SMOC2: variants seen among roughly 807,000 people sequenced by gnomAD.
SMOC2 encodes SPARC-related modular calcium-binding protein 2.
A neutral mutation model predicts 61.4 loss-of-function variants in SMOC2; 39 were observed. That is an observed-to-expected ratio of 0.64 (90% CI 0.49 to 0.83). The LOEUF is 0.83. Among genes scored for constraint, SMOC2 ranks in the 40% least tolerant of loss-of-function variants. SMOC2 has a pLI of 0.00. For synonymous variants in SMOC2, 247 were observed against 239.9 expected (o/e 1.03, Z -0.27); for missense variants, 556 against 592.9 (o/e 0.94, Z 0.65).
intron 4 of SMOC2, 112 bp from the exon 5 acceptor site, chr6:168,543,513 G>A (rs992154605): frequency 1.4e-5 from 13 of 924,956 alleles, no homozygotes; most frequent in Non-Finnish European, 1.7e-5. Flanking sequence ...AGAACATGCC[G>A]AAGCACGGCA....
rs562462797 is a variant in SMOC2, at chr6:168,611,872, C to T, written c.907+3633C>T. Among the ~76,000 whole-genome samples, 8 of 152,250 alleles carry T rather than the reference C, an allele frequency of 5.3e-5. No individual in the cohort carries two copies. In the South Asian group the frequency reaches 8.3e-4, roughly 16 times the overall value. ...GGACGGCTTCCTCAGGATGCCCAGG[C>T]GGCCGGCCACTCACATGCACCTGTC... On this transcript the variant is annotated intron_variant, in intron 9 of 12. Coordinates refer to ENST00000356284, the MANE Select transcript of SMOC2 (RefSeq NM_001166412.2).
intron 1 of SMOC2, among the ~76,000 whole-genome samples, chr6:168,451,193 A>C (rs1414942383): frequency 4.6e-5 from 7 of 151,948 alleles, no homozygotes; most frequent in Admixed American, 3.9e-4. Flanking sequence ...CCCTGCCTGC[A>C]GCCGGGGTCT....
intron 4 of SMOC2, among the ~76,000 whole-genome samples, chr6:168,536,552 C>G (rs1426776300): frequency 6.6e-6 from 1 of 152,074 alleles, no homozygotes; most frequent in African/African-American, 2.4e-5. Context: ...CCTACCACTT[C>G]CAGTCATGTT....
intron 8 of SMOC2, among the ~76,000 whole-genome samples, chr6:168,603,226 T>C (rs1785600696): frequency 6.8e-6 from 1 of 147,376 alleles, no homozygotes; most frequent in African/African-American, 2.5e-5. Context: ...CATGCCAAAC[T>C]GTGAGTCAAT....
At chr6:168,511,254 C>A (rs187327260) in intron 2 of SMOC2, among the ~76,000 whole-genome samples, 1 of 152,110 alleles carries the variant, frequency 6.6e-6, no homozygotes, top group Admixed American at 6.5e-5. Flanking sequence ...TACCCAAGAC[C>A]GGTACATTTA....
At chr6:168,563,736 T>TG (rs1784477987) in intron 7 of SMOC2, among the ~76,000 whole-genome samples, 1 of 152,216 alleles carries the variant, frequency 6.6e-6, no homozygotes, top group Non-Finnish European at 1.5e-5. Flanking sequence ...CAGCAGACAC[T>TG]GAATCTGCCA....
At chr6:168,583,749 C>T (rs1784979229) in intron 7 of SMOC2, among the ~76,000 whole-genome samples, 1 of 152,188 alleles carries the variant, frequency 6.6e-6, no homozygotes, top group South Asian at 2.1e-4. Context: ...GGGAAGAGCA[C>T]CCAGCCTCTA....
intron 6 of SMOC2, among the ~76,000 whole-genome samples, chr6:168,547,481 A>T (rs1476744386): frequency 6.6e-6 from 1 of 152,076 alleles, no homozygotes; most frequent in Non-Finnish European, 1.5e-5. Flanking sequence ...TGGGATGGAC[A>T]AGTCCACACA....
At chr6:168,568,661 C>T (rs1056738823) in intron 7 of SMOC2, among the ~76,000 whole-genome samples, 1 of 152,090 alleles carries the variant, frequency 6.6e-6, no homozygotes, top group African/African-American at 2.4e-5. Context: ...GCCCTGAAAA[C>T]CCTCTGAGCT....
chr6:168,596,982 C>A (rs530197820), intron 7 of SMOC2, among the ~76,000 whole-genome samples: 2 of 152,332 alleles, frequency 1.3e-5, no homozygotes, highest in Admixed American at 6.5e-5. Context: ...TTGAATGATC[C>A]ATGAGTTCTG....
chr6:168,558,881 G>A (rs28514664), intron 7 of SMOC2, among the ~76,000 whole-genome samples: 3 of 149,976 alleles, frequency 2.0e-5, no homozygotes, highest in Admixed American at 1.5e-4. Context: ...ATGTGTGTGC[G>A]TGTGTGCGTG....
At chr6:168,660,820 C>T (rs965591174) in intron 11 of SMOC2, among the ~76,000 whole-genome samples, 5 of 152,168 alleles carry the variant, frequency 3.3e-5, no homozygotes, top group East Asian at 1.9e-4. Flanking sequence ...TAGCCCCTGG[C>T]GAGGAAGAAT....
intron 8 of SMOC2, among the ~76,000 whole-genome samples, chr6:168,600,399 C>T (rs1283460359): frequency 8.8e-6 from 1 of 113,774 alleles, no homozygotes; most frequent in East Asian, 2.7e-4. Flanking sequence ...AAGAGCGAAA[C>T]TCTGCCTCAA....
At chr6:168,615,014 C>T (rs1416611204) in intron 9 of SMOC2, among the ~76,000 whole-genome samples, 1 of 48,384 alleles carries the variant, frequency 2.1e-5, no homozygotes, top group Non-Finnish European at 4.1e-5. Flanking sequence ...CCTCTTCATA[C>T]CTACAGCCAG....
chr6:168,489,324 C>T (rs1001667783), intron 1 of SMOC2, among the ~76,000 whole-genome samples: 2 of 148,908 alleles, frequency 1.3e-5, no homozygotes, highest in South Asian at 2.1e-4. Flanking sequence ...ATCTGGGTCC[C>T]CTTGGATCAC....
chr6:168,600,508 G>A (rs892801544), intron 8 of SMOC2, among the ~76,000 whole-genome samples: 9 of 151,080 alleles, frequency 6.0e-5, no homozygotes, highest in Admixed American at 3.9e-4. Context: ...AAAAGCACCC[G>A]AGTGGCAGCT....
Position 168,441,462 on chromosome 6 carries a change from C to G in SMOC2, c.84+8C>G, listed in dbSNP as rs1325375090. On this transcript the variant is annotated splice_region_variant and intron_variant, in intron 1 of 12. Transcript: ENST00000356284. The stretch of plus-strand genomic sequence containing the variant: ...AAGTTCTCGGCGCTCACGGTAAGCC[C>G]GGGCCCGCGGGACCTGGAGCTCAAG... The G allele has an allele frequency of 6.7e-7, 1 of 1,492,864 alleles. No homozygotes were observed. Among genetic ancestry groups the G allele is most frequent in the Non-Finnish European group, 8.9e-7 (1 of 1,125,274 alleles). The allele number at this position is 1,492,864 out of a possible 1,614,324, so 92.5% of individuals were successfully genotyped here. A position where few individuals can be genotyped will look rare whatever the true frequency, so the allele number is the denominator to read the frequency against.
At chr6:168,511,254 C>T (rs187327260) in intron 2 of SMOC2, among the ~76,000 whole-genome samples, 93 of 152,228 alleles carry the variant, frequency 6.1e-4, no homozygotes, top group African/African-American at 1.9e-3. Flanking sequence ...TACCCAAGAC[C>T]GGTACATTTA....
chr6:168,551,033 C>A (rs1277958812), intron 7 of SMOC2, among the ~76,000 whole-genome samples: 1 of 152,132 alleles, frequency 6.6e-6, no homozygotes, highest in Admixed American at 6.5e-5. Context: ...ATGGAGAGAC[C>A]AGGTGGAGAT....
Sources: gnomAD v4.1 joint callset for allele counts (sites outside exome capture counted in the v4.1 genomes callset) on GRCh38, gnomAD v4.1.1 for gene constraint, MANE v1.5 for transcripts, NCBI Gene and HGNC (gene_info 2026-07-23, HGNC 2026-07-21) for gene names.